ZNF804A: variants seen among roughly 807,000 people sequenced by gnomAD.
The protein encoded by ZNF804A is zinc finger protein 804A.
A neutral mutation model predicts 16.5 loss-of-function variants in ZNF804A; 2 were observed. The ratio of observed to expected loss-of-function variants is 0.12; its 90% CI spans 0.05 to 0.38. ZNF804A has a LOEUF of 0.38. Ranked by LOEUF, ZNF804A falls within the 10% of genes least tolerant of loss-of-function variation. The pLI is 0.99. For missense variants in ZNF804A, 1,473 were observed against 1,390.7 expected, an observed-to-expected ratio of 1.06 and a Z score of -0.94; for synonymous variants, 534 against 489.6, an observed-to-expected ratio of 1.09 and a Z score of -1.20.
chr2:184,815,304 C>T (rs1694965798), intron 1 of ZNF804A, among the ~76,000 whole-genome samples: 1 of 151,730 alleles, frequency 6.6e-6, no homozygotes, highest in South Asian at 2.1e-4. Flanking sequence ...CTAATATTTT[C>T]TCAAATAATA....
Position 184,938,744 on chromosome 2 carries a change from C to A in ZNF804A, c.3348C>A (p.Ala1116=), listed in dbSNP as rs149962176. The change falls in exon 4 of 4, where the codon GCC becomes GCA. Residue 1116 remains alanine (A), a synonymous_variant. Transcript: ENST00000302277. ...HAAAAAAAAA[A]AAAGTFKVLQ... ...CAGCTGCTGCAGCTGCAGCTGCAGC[C>A]GCAGCTGCAGGAACCTTTAAAGTGC... 1 of 1,606,496 alleles carries A rather than the reference C, an allele frequency of 6.2e-7. No individual in the cohort carries two copies. Among genetic ancestry groups the A allele is most frequent in the Non-Finnish European group, 8.5e-7 (1 of 1,175,826 alleles).
At chr2:184,697,985 G>T (rs1237020197) in intron 1 of ZNF804A, among the ~76,000 whole-genome samples, 1 of 151,938 alleles carries the variant, frequency 6.6e-6, no homozygotes, top group Non-Finnish European at 1.5e-5. Flanking sequence ...ATATATATTG[G>T]ATTTCATACA....
At chr2:184,770,643 G>A (rs1375464862) in intron 1 of ZNF804A, among the ~76,000 whole-genome samples, 2 of 151,016 alleles carry the variant, frequency 1.3e-5, no homozygotes, top group Non-Finnish European at 2.9e-5. Flanking sequence ...TCTTAGTAGA[G>A]AAAGATAAAT....
intron 1 of ZNF804A, among the ~76,000 whole-genome samples, chr2:184,766,883 A>G (rs529067329): frequency 3.8e-4 from 58 of 152,180 alleles, no homozygotes; most frequent in Admixed American, 7.9e-4. Flanking sequence ...TACTGCCTTC[A>G]GAGGTAGGGT....
intron 1 of ZNF804A, among the ~76,000 whole-genome samples, chr2:184,682,230 G>A (rs1574160518): frequency 1.3e-5 from 2 of 152,200 alleles, no homozygotes; most frequent in African/African-American, 2.4e-5. Context: ...GAACAAGCCC[G>A]GAGGGTGTCA....
At chr2:184,829,899 C>CAAAAAAAAAAAAAAAAAAAAAAA (rs1244566222) in intron 1 of ZNF804A, among the ~76,000 whole-genome samples, 17 of 38,876 alleles carry the variant, frequency 4.4e-4, no homozygotes, top group Non-Finnish European at 5.8e-4. Context: ...CTGTCTCTAC[C>CAAAAAAAAAAAAAAAAAAAAAAA]AAAAAAAAAA....
intron 1 of ZNF804A, among the ~76,000 whole-genome samples, chr2:184,667,045 T>C (rs1692265838): frequency 6.6e-6 from 1 of 151,998 alleles, no homozygotes; most frequent in Admixed American, 6.6e-5. Flanking sequence ...TAATCCAAAT[T>C]AGCTGAGAAT....
In ZNF804A at chr2:184,937,701, T is replaced by C; in HGVS notation, c.2305T>C (p.Tyr769His). ...NSVMNESERF[Y>H]RKRRQHSHSY... is the part of the protein sequence containing the mutation. ...TGTCATGAATGAATCAGAAAGATTCTATCGAAAACGTAGACAACATTCACA... is the reference window on the plus strand; with the variant it reads ...TGTCATGAATGAATCAGAAAGATTCCATCGAAAACGTAGACAACATTCACA... Residue 769 changes from tyrosine to histidine, a missense_variant, in exon 4 of 4, where the codon TAT becomes CAT. Tyr to His is a moderately conservative substitution (Grantham distance 83). Coordinates refer to ENST00000302277, the MANE Select transcript of ZNF804A (RefSeq NM_194250.2). The C allele has an allele frequency of 6.2e-7, 1 of 1,614,096 alleles. No homozygotes were observed. Among genetic ancestry groups the C allele is most frequent in the Non-Finnish European group, 8.5e-7 (1 of 1,179,986 alleles).
intron 1 of ZNF804A, among the ~76,000 whole-genome samples, chr2:184,715,633 T>C (rs953595006): frequency 2.0e-5 from 3 of 152,092 alleles, no homozygotes; most frequent in African/African-American, 4.8e-5. Context: ...ACTCCAGAGC[T>C]TAAGCCATCA....
At chr2:184,663,137 G>A (rs1228976703) in intron 1 of ZNF804A, among the ~76,000 whole-genome samples, 1 of 152,304 alleles carries the variant, frequency 6.6e-6, no homozygotes, top group East Asian at 1.9e-4. Context: ...GAGGCCTGCT[G>A]TCCTGGCCAC....
At chr2:184,777,271 T>G (rs1279926212) in intron 1 of ZNF804A, among the ~76,000 whole-genome samples, 1 of 151,728 alleles carries the variant, frequency 6.6e-6, no homozygotes, top group Non-Finnish European at 1.5e-5. Flanking sequence ...TTTTGGAAAT[T>G]TTAATGCCTT....
chr2:184,831,231 G>A (rs1310921701), intron 1 of ZNF804A, among the ~76,000 whole-genome samples: 2 of 152,014 alleles, frequency 1.3e-5, no homozygotes, highest in African/African-American at 4.8e-5. Flanking sequence ...GTTGGTGTTA[G>A]TGTTAATGAT....
At chr2:184,637,825 T>G (rs1574141770) in intron 1 of ZNF804A, among the ~76,000 whole-genome samples, 2 of 152,136 alleles carry the variant, frequency 1.3e-5, no homozygotes, top group East Asian at 3.9e-4. Flanking sequence ...AATTAAATCA[T>G]AAAAGTGGAA....
Position 184,661,703 on chromosome 2 carries a change from C to G in ZNF804A, c.111+62633C>G, listed in dbSNP as rs923358823. Among the ~76,000 whole-genome samples, 6 of 152,244 alleles carry G rather than the reference C, an allele frequency of 3.9e-5. No homozygotes were observed. In the East Asian group the frequency reaches 1.2e-3, roughly 29 times the overall value. The stretch of plus-strand genomic sequence containing the variant: ...CTTTGGTCATGGACTCTACCGGAAC[C>G]AGCAGCTTGGTTTTCAGGCTGAATT... On this transcript the variant is annotated intron_variant, in intron 1 of 3. Transcript: ENST00000302277.
chr2:184,794,422 T>C (rs1276682904), intron 1 of ZNF804A, among the ~76,000 whole-genome samples: 4 of 152,078 alleles, frequency 2.6e-5, no homozygotes, highest in Non-Finnish European at 4.4e-5. Context: ...TGGGATTGTT[T>C]CTCTTTTTTC....
intron 1 of ZNF804A, among the ~76,000 whole-genome samples, chr2:184,637,343 C>A (rs1691717727): frequency 6.6e-6 from 1 of 151,990 alleles, no homozygotes. Context: ...TAAAAATGCA[C>A]AATGTTTACA....
chr2:184,857,099 G>A (rs1007018283), intron 1 of ZNF804A, among the ~76,000 whole-genome samples: 1 of 151,728 alleles, frequency 6.6e-6, no homozygotes. Context: ...TTTGATGTAG[G>A]CATTTATTGC....
intron 1 of ZNF804A, among the ~76,000 whole-genome samples, chr2:184,682,752 G>C (rs148535714): frequency 6.6e-6 from 1 of 152,208 alleles, no homozygotes; most frequent in Non-Finnish European, 1.5e-5. Flanking sequence ...TTAGATTAAT[G>C]TAATTAAACT....
intron 2 of ZNF804A, among the ~76,000 whole-genome samples, chr2:184,890,091 T>G (rs1379083874): frequency 2.0e-5 from 3 of 152,086 alleles, no homozygotes; most frequent in Non-Finnish European, 1.5e-5. Flanking sequence ...AAGATAACAG[T>G]CAGATCATTA....
Sources: allele counts gnomAD v4.1 joint callset (sites outside exome capture counted in the v4.1 genomes callset), GRCh38; gene constraint gnomAD v4.1.1; transcripts MANE v1.5; gene names NCBI Gene and HGNC (gene_info 2026-07-23, HGNC 2026-07-21).